Variants in CNGA3 observed in about 807,000 individuals in gnomAD.
The protein encoded by CNGA3 is cyclic nucleotide-gated channel alpha-3.
In CNGA3, 42 loss-of-function variants were observed where a neutral mutation model predicts 46.6. That is an observed-to-expected ratio of 0.90 (90% CI 0.70 to 1.17). The LOEUF (loss-of-function observed/expected upper bound fraction) is 1.17, where lower values mean the gene tolerates loss of function less well. Among genes scored for constraint, CNGA3 ranks in the 50% most tolerant of loss-of-function variants. The probability of loss-of-function intolerance (pLI) is 0.00; values close to 1 mark genes in which losing one functional copy is unlikely to be tolerated. For synonymous variants in CNGA3, 394 were observed against 369.4 expected, an observed-to-expected ratio of 1.07 and a Z score of -0.76; for missense variants, 893 against 890.7, an observed-to-expected ratio of 1.00 and a Z score of -0.03.
At chr2:98,383,232 T>G (rs1558814198) in intron 4 of CNGA3, among the ~76,000 whole-genome samples, 156 bp from the exon 5 acceptor site, 2 of 152,164 alleles carry the variant, frequency 1.3e-5, no homozygotes, top group Non-Finnish European at 2.9e-5. Flanking sequence ...ATTTTGGCCT[T>G]GACAATACCA....
At chr2:98,356,592 C>T (rs1429760388) in intron 1 of CNGA3, among the ~76,000 whole-genome samples, 2 of 152,224 alleles carry the variant, frequency 1.3e-5, no homozygotes, top group African/African-American at 4.8e-5. Context: ...AGTGGACTTA[C>T]AGTGCATCCA....
rs148496805 is a variant in CNGA3, at chr2:98,397,175, G to C, written c.2005G>C (p.Val669Leu). 151 of 1,614,040 alleles carry C rather than the reference G, an allele frequency of 9.4e-5. No individual in the cohort carries two copies. The highest frequency in any genetic ancestry group is 1.6e-4 in the Middle Eastern group (1 of 6,084). Residue 669 changes from valine to leucine, a missense_variant, in exon 8 of 8, where the codon GTG (valine) becomes CTG (leucine). By Grantham distance (32) the Val-to-Leu change is conservative. This residue lies in a region of CNGA3 where 548 missense variants were observed against 570.8 expected (regional missense o/e 0.96). Transcript: ENST00000272602. ...KQRLSQLESQVKGGGDKPLAD... is the reference protein window; with the variant it reads ...KQRLSQLESQLKGGGDKPLAD... ...GCGTCTCAGCCAACTGGAAAGCCAG[G>C]TGAAGGGTGGTGGGGACAAGCCCCT... is the stretch of plus-strand genomic sequence containing the variant.
chr2:98,359,940 G>T (rs1026524179), intron 1 of CNGA3, among the ~76,000 whole-genome samples: 5 of 152,366 alleles, frequency 3.3e-5, no homozygotes, highest in East Asian at 1.9e-4. Flanking sequence ...GCAGGGGCAG[G>T]GTTCCCGGTG....
intron 1 of CNGA3, among the ~76,000 whole-genome samples, chr2:98,365,268 C>G (rs1257913522): frequency 1.3e-5 from 2 of 152,144 alleles, no homozygotes; most frequent in Non-Finnish European, 2.9e-5. Flanking sequence ...ATGGTGAAAC[C>G]CTGTCTCTAC....
At chr2:98,377,074 CA>C (rs1692420573) in intron 2 of CNGA3, among the ~76,000 whole-genome samples, 2 of 152,176 alleles carry the variant, frequency 1.3e-5, no homozygotes, top group Non-Finnish European at 2.9e-5. Flanking sequence ...AGTGGAGTCT[CA>C]TTTGAAAGCA....
chr2:98,391,766 G>A, intron 6 of CNGA3, 98 bp from the exon 7 acceptor site: 2 of 1,119,276 alleles, frequency 1.8e-6, no homozygotes, highest in Non-Finnish European at 2.7e-6. Context: ...CATATTACAT[G>A]ATCCAGCGTC....
At position 98,380,282 on chromosome 2, in the gene CNGA3, A is replaced by G; in HGVS notation, c.323A>G (p.Lys108Arg). 1 of 1,614,210 alleles carries G rather than the reference A, an allele frequency of 6.2e-7. No individual in the cohort carries two copies. Among genetic ancestry groups the G allele is most frequent in the Non-Finnish European group, 8.5e-7 (1 of 1,180,044 alleles). Reference sequence around the variant, plus strand: ...GATCGTTTCCGTGGAGCCGAGCTTAAGGAGGTGTCCAGCCAAGAAAGCAAT... The same window carrying G: ...GATCGTTTCCGTGGAGCCGAGCTTAGGGAGGTGTCCAGCCAAGAAAGCAAT... ...FPDRFRGAELKEVSSQESNAQ... is the reference protein window; with the variant it reads ...FPDRFRGAELREVSSQESNAQ... The change falls in exon 4 of 8, where the codon AAG (lysine) becomes AGG (arginine). Residue 108 changes from lysine to arginine, a missense_variant. Transcript: ENST00000272602.
intron 2 of CNGA3, chr2:98,377,282 G>A (rs1243898528): frequency 4.7e-6 from 1 of 212,366 alleles, no homozygotes; most frequent in East Asian, 1.1e-4. Context: ...ATTCAATCTA[G>A]CCTCAGAAGA....
chr2:98,363,678 TTTC>T (rs1272778788), intron 1 of CNGA3, among the ~76,000 whole-genome samples: 4 of 152,220 alleles, frequency 2.6e-5, no homozygotes, highest in African/African-American at 4.8e-5. Context: ...TATTTTGTTA[TTTC>T]TTATTATTTT....
intron 2 of CNGA3, among the ~76,000 whole-genome samples, chr2:98,377,123 C>T (rs765930856): frequency 2.6e-5 from 4 of 152,184 alleles, no homozygotes; most frequent in Admixed American, 6.5e-5. Context: ...GAGAGCTAGG[C>T]CAGTTCTGTG....
At chr2:98,368,973 C>T (rs985216326) in intron 1 of CNGA3, among the ~76,000 whole-genome samples, 5 of 152,208 alleles carry the variant, frequency 3.3e-5, no homozygotes, top group African/African-American at 4.8e-5. Flanking sequence ...ACAATAGTGA[C>T]GTTGCCTTTA....
intron 4 of CNGA3, among the ~76,000 whole-genome samples, chr2:98,382,801 G>A (rs1264185768): frequency 6.6e-6 from 1 of 152,226 alleles, no homozygotes; most frequent in African/African-American, 2.4e-5. Context: ...GTCAGGCCCT[G>A]GAGTCGTAAA....
At position 98,367,210 on chromosome 2, in the gene CNGA3, A is replaced by G. The variant is rs182478195; in HGVS notation, c.-37-2729A>G. On this transcript the variant is annotated intron_variant, in intron 1 of 7. Transcript: ENST00000272602. ...CTTTTTTTTTTTTTTTTATTGAGAC[A>G]GAGTCTCACTGTGTCCCCCAGGCTG... 2.0e-3 allele frequency among the ~76,000 whole-genome samples: 169 copies of G among 84,482 alleles called. 1 individual carries two copies. The highest frequency in any genetic ancestry group is 6.4e-3 in the African/African-American group (153 of 23,942). 55.4% of individuals were successfully genotyped at this position (84,482 alleles called of 152,430 possible). A position where few individuals can be genotyped will look rare whatever the true frequency, so the allele number is the denominator to read the frequency against.
At chr2:98,373,351 C>T (rs1160068497) in intron 2 of CNGA3, among the ~76,000 whole-genome samples, 2 of 152,168 alleles carry the variant, frequency 1.3e-5, no homozygotes, top group Non-Finnish European at 2.9e-5. Context: ...TTTTAGAAAG[C>T]TTTATGAGAC....
rs144721346 is a variant in CNGA3 at position 98,385,944 on chromosome 2, A to G, written c.449+2503A>G. ...GCAAAGCACCAAGGAATTGGTGCCA[A>G]ACCATGAGAAATCCACCACCATGAC... On this transcript the variant is annotated intron_variant, in intron 5 of 7. Coordinates refer to ENST00000272602, the MANE Select transcript of CNGA3 (RefSeq NM_001298.3). Among the ~76,000 whole-genome samples the G allele has an allele frequency of 3.3e-3, 507 of 152,296 alleles. 2 individuals are homozygous for G. The highest frequency in any genetic ancestry group is 0.012 in the African/African-American group (479 of 41,562).
chr2:98,391,738 C>T (rs1347843041), intron 6 of CNGA3, 126 bp from the exon 7 acceptor site: 16 of 844,460 alleles, frequency 1.9e-5, no homozygotes, highest in Middle Eastern at 2.2e-4. Context: ...GTAGTGACAC[C>T]GCAGGCAGGG....
In CNGA3 at chr2:98,364,412, T is replaced by C. The variant is rs560057646; in HGVS notation, c.-37-5527T>C. Among the ~76,000 whole-genome samples, 6 of 151,802 alleles carry C rather than the reference T, an allele frequency of 4.0e-5. No homozygotes were observed. In the East Asian group the frequency reaches 1.2e-3, roughly 29 times the overall value. On this transcript the variant is annotated intron_variant, in intron 1 of 7. Coordinates refer to ENST00000272602, the MANE Select transcript of CNGA3 (RefSeq NM_001298.3). The stretch of plus-strand genomic sequence containing the variant: ...TAAATAAATAAATAAATAAAGTCTG[T>C]TTTGTCAGATACTAGGATTGCAACC...
intron 1 of CNGA3, among the ~76,000 whole-genome samples, chr2:98,367,185 C>T (rs77670426): frequency 0.31 from 28,220 of 91,618 alleles, 3,641 homozygotes; most frequent in Non-Finnish European, 0.37. Flanking sequence ...TCTTTTTTTT[C>T]TTTTTTTTTT....
chr2:98,391,678 G>C (rs1319164760), intron 6 of CNGA3, among the ~76,000 whole-genome samples, 186 bp from the exon 7 acceptor site: 1 of 152,136 alleles, frequency 6.6e-6, no homozygotes, highest in East Asian at 1.9e-4. Flanking sequence ...CTGTGGGACA[G>C]AAAAGCTTCT....
Sources: gnomAD v4.1 joint callset for allele counts (sites outside exome capture counted in the v4.1 genomes callset) on GRCh38, gnomAD v4.1.1 for gene constraint, gnomAD v4.1.1 regional missense constraint, MANE v1.5 for transcripts, NCBI Gene and HGNC (gene_info 2026-07-23, HGNC 2026-07-21) for gene names.